HNF4G: variants seen among roughly 807,000 people sequenced by gnomAD.
HNF4G encodes the protein hepatocyte nuclear factor 4 gamma, also known as hepatocyte nuclear factor 4-gamma.
HNF4G carries 21 observed loss-of-function variants against 50.9 expected under a neutral mutation model. That is an observed-to-expected ratio of 0.41 (90% CI 0.29 to 0.59). The LOEUF (loss-of-function observed/expected upper bound fraction) is 0.59. Among genes scored for constraint, HNF4G ranks in the 20% least tolerant of loss-of-function variants. The probability of loss-of-function intolerance (pLI) is 0.26; values close to 1 mark genes in which losing one functional copy is unlikely to be tolerated. For synonymous variants in HNF4G, 198 were observed against 185.6 expected (o/e 1.07, Z -0.54); for missense variants, 527 against 559.4 (o/e 0.94, Z 0.58).
At chr8:75,442,564 C>T (rs1811313153) in intron 1 of HNF4G, among the ~76,000 whole-genome samples, 1 of 151,552 alleles carries the variant, frequency 6.6e-6, no homozygotes, top group African/African-American at 2.4e-5. Context: ...CAGAGAGAGA[C>T]CTGGTCTCAA....
At chr8:75,519,606 T>A (rs923839711) in intron 2 of HNF4G, among the ~76,000 whole-genome samples, 1 of 152,174 alleles carries the variant, frequency 6.6e-6, no homozygotes, top group Admixed American at 6.5e-5. Context: ...ACTTATTCAC[T>A]ATCATGAGAA....
intron 3 of HNF4G, among the ~76,000 whole-genome samples, chr8:75,550,961 T>G (rs1806933821): frequency 6.6e-6 from 1 of 152,184 alleles, no homozygotes; most frequent in Non-Finnish European, 1.5e-5. Context: ...TCGTGTTTTA[T>G]AGAGAAAAGA....
chr8:75,551,326 A>C lies in HNF4G; in HGVS notation c.383-62A>C, dbSNP rs1046491659. ...TTACTTAAAAAAAAAACTCCTTAAA[A>C]TCTATATTCTAACATACACTAAAGA... is the stretch of plus-strand genomic sequence containing the variant. On this transcript the variant is annotated intron_variant, in intron 3 of 9. Transcript: ENST00000396423. 17 of 925,404 alleles carry C rather than the reference A, an allele frequency of 1.8e-5. No individual in the cohort carries two copies. In the African/African-American group the frequency reaches 2.2e-4, roughly 12 times the overall value. The allele number at this position is 925,404 out of a possible 1,614,324, so 57.3% of individuals were successfully genotyped here. A position where few individuals can be genotyped will look rare whatever the true frequency, so the allele number is the denominator to read the frequency against.
At chr8:75,444,357 GA>G (rs1396949557) in intron 1 of HNF4G, among the ~76,000 whole-genome samples, 2 of 151,724 alleles carry the variant, frequency 1.3e-5, no homozygotes, top group Admixed American at 1.3e-4. Context: ...AGACTAGGAA[GA>G]AACTGCATCA....
At chr8:75,435,075 T>A (rs143376641) in intron 1 of HNF4G, among the ~76,000 whole-genome samples, 1 of 152,310 alleles carries the variant, frequency 6.6e-6, no homozygotes, top group African/African-American at 2.4e-5. Context: ...ATGAGGCTAG[T>A]GTAATTTTGA....
chr8:75,417,960 T>TAC (rs144672882), intron 1 of HNF4G, among the ~76,000 whole-genome samples: 5,007 of 148,826 alleles, frequency 0.034, 104 homozygotes, highest in South Asian at 0.067. Flanking sequence ...TGTGTGTGTC[T>TAC]ACACACACAC....
intron 1 of HNF4G, among the ~76,000 whole-genome samples, chr8:75,442,750 T>C (rs557708197): frequency 5.2e-4 from 79 of 152,234 alleles, no homozygotes; most frequent in African/African-American, 1.9e-3. Flanking sequence ...TTATTTTATA[T>C]TGAGTTTGAA....
intron 1 of HNF4G, among the ~76,000 whole-genome samples, chr8:75,481,203 G>T (rs1812369124): frequency 6.6e-6 from 1 of 152,098 alleles, no homozygotes; most frequent in South Asian, 2.1e-4. Flanking sequence ...AAAGCCCCTG[G>T]ACTATATTAC....
Position 75,564,269 on chromosome 8 carries a change from T to C in HNF4G, c.*173T>C, listed in dbSNP as rs1807400722. On this transcript the variant is annotated 3_prime_UTR_variant, in exon 10 of 10. Transcript: ENST00000396423. ...TTCATTCTGTTTGTTATTGCTACTA[T>C]GTAAAACTTTCACATGCAACCAATG... 2 of 618,440 alleles carry C rather than the reference T, an allele frequency of 3.2e-6. No homozygotes were observed. The highest frequency in any genetic ancestry group is 5.4e-6 in the Non-Finnish European group (2 of 370,964). 38.3% of individuals were successfully genotyped at this position (618,440 alleles called of 1,614,324 possible).
chr8:75,456,234 A>G (rs548179889), intron 1 of HNF4G, among the ~76,000 whole-genome samples: 3 of 152,160 alleles, frequency 2.0e-5, no homozygotes, highest in Non-Finnish European at 2.9e-5. Flanking sequence ...TATTTATATT[A>G]TGAATGAAGA....
chr8:75,506,603 C>T (rs936472142), intron 2 of HNF4G, among the ~76,000 whole-genome samples: 2 of 152,114 alleles, frequency 1.3e-5, no homozygotes, highest in Non-Finnish European at 2.9e-5. Flanking sequence ...TCCCTTTGAC[C>T]TCCTTTCTAA....
chr8:75,424,861 C>T (rs982930450), intron 1 of HNF4G, among the ~76,000 whole-genome samples: 15 of 152,174 alleles, frequency 9.9e-5, no homozygotes, highest in East Asian at 3.9e-4. Flanking sequence ...CATACAAATG[C>T]ATTTGTCTTT....
intron 1 of HNF4G, among the ~76,000 whole-genome samples, chr8:75,423,815 CTTTTTTT>C (rs548125507): frequency 9.8e-5 from 7 of 71,212 alleles, no homozygotes; most frequent in African/African-American, 1.6e-4. Flanking sequence ...AAGTTTCTTT[CTTTTTTT>C]TTTTTTTTTT....
chr8:75,505,224 A>G (rs750014027), intron 2 of HNF4G, among the ~76,000 whole-genome samples: 1 of 152,156 alleles, frequency 6.6e-6, no homozygotes, highest in African/African-American at 2.4e-5. Context: ...CTCTTCTGCT[A>G]ACTTGTTGGT....
chr8:75,505,236 G>C (rs1813044973), intron 2 of HNF4G, among the ~76,000 whole-genome samples: 1 of 152,114 alleles, frequency 6.6e-6, no homozygotes, highest in East Asian at 1.9e-4. Context: ...CTTGTTGGTG[G>C]ACCTTTGACA....
At chr8:75,424,903 A>G (rs1810856387) in intron 1 of HNF4G, among the ~76,000 whole-genome samples, 2 of 152,082 alleles carry the variant, frequency 1.3e-5, no homozygotes, top group African/African-American at 4.8e-5. Context: ...CTTTGAGTAC[A>G]TACCTAGTAA....
chr8:75,555,047 C>T lies in HNF4G; in HGVS notation c.646-935C>T, dbSNP rs111791990. ...GGGCTGGGAGGCAAAGCACTGACCC[C>T]TCTCACGCCTCCCATCACCTGTGAG... On this transcript the variant is annotated intron_variant, in intron 5 of 9. Transcript: ENST00000396423. 2.6e-5 allele frequency among the ~76,000 whole-genome samples: 4 copies of T among 152,128 alleles called. No individual in the cohort carries two copies. In the East Asian group the frequency reaches 7.7e-4, roughly 29 times the overall value.
chr8:75,408,260 GAGGAGAGA>G (rs1563494541), intron 1 of HNF4G: 1 of 152,034 alleles, frequency 6.6e-6, no homozygotes, highest in Non-Finnish European at 1.5e-5. Flanking sequence ...GAGAGAGAGA[GAGGAGAGA>G]GAGAGAGAGA....
intron 1 of HNF4G, among the ~76,000 whole-genome samples, chr8:75,448,427 A>AT (rs1585852423): frequency 1.6e-5 from 1 of 63,464 alleles, no homozygotes; most frequent in Non-Finnish European, 2.9e-5. Flanking sequence ...CTTAAAGTAT[A>AT]AAAAAAAAAA....
Sources: allele counts gnomAD v4.1 joint callset (sites outside exome capture counted in the v4.1 genomes callset), GRCh38; gene constraint gnomAD v4.1.1; transcripts MANE v1.5; gene names NCBI Gene and HGNC (gene_info 2026-07-23, HGNC 2026-07-21).